The following RSPH14 variants were observed in gnomAD, a reference collection of about 807,000 sequenced individuals.
The protein encoded by RSPH14 is rhabdoid tumor deletion region gene 1.
A neutral mutation model predicts 26.7 loss-of-function variants in RSPH14; 20 were observed. The observed-to-expected ratio is 0.75, with a 90% CI of 0.53 to 1.09. The LOEUF is 1.09. Among genes scored for constraint, RSPH14 ranks in the 50% least tolerant of loss-of-function variants. The probability of loss-of-function intolerance (pLI) is 0.00; values close to 1 mark genes in which losing one functional copy is unlikely to be tolerated. For missense variants in RSPH14, 449 were observed against 457.2 expected, an observed-to-expected ratio of 0.98 and a Z score of 0.16; for synonymous variants, 177 against 189.3, an observed-to-expected ratio of 0.93 and a Z score of 0.53.
intron 5 of RSPH14, 123 bp from the exon 6 acceptor site, chr22:23,062,068 G>T: frequency 8.4e-7 from 1 of 1,189,874 alleles, no homozygotes; most frequent in Non-Finnish European, 1.2e-6. Flanking sequence ...GTAGTCCCAG[G>T]ACTGGTCCCC....
the RSPH14 span, among the ~76,000 whole-genome samples, chr22:23,154,242 C>T: frequency 6.6e-6 from 1 of 152,290 alleles, no homozygotes; most frequent in East Asian, 1.9e-4. Context: ...CTAGCCCCGC[C>T]CCCCTCCTCT....
In RSPH14 at chr22:23,096,428, G is replaced by A; in HGVS notation, c.422-32295C>T. On this transcript the variant is annotated intron_variant, in intron 4 of 6. Transcript: ENST00000216036. ...CGAGGATAACCAGACAGTAAGTGGGGCCGGGGGTTTTCCTCTGCTTGTTCC... is the reference window on the plus strand; with the variant it reads ...CGAGGATAACCAGACAGTAAGTGGGACCGGGGGTTTTCCTCTGCTTGTTCC... The A allele has an allele frequency of 2.5e-6, 4 of 1,591,232 alleles. No homozygotes were observed. The South Asian group carries it at 3.4e-5, about 13-fold the overall frequency.
At chr22:23,131,703 T>C (rs1464543595) in intron 4 of RSPH14, 1 of 1,205,922 alleles carries the variant, frequency 8.3e-7, no homozygotes, top group Non-Finnish European at 1.1e-6. Flanking sequence ...AGGGCATTAA[T>C]TTAGCTCAAC....
At position 23,071,537 on chromosome 22, in the gene RSPH14, G is replaced by T. The variant is rs958441994; in HGVS notation, c.422-7404C>A. On this transcript the variant is annotated intron_variant, in intron 4 of 6. Transcript: ENST00000216036. The surrounding 1 kb of genome is among the most constrained non-coding windows in gnomAD (Gnocchi z 4.1). The stretch of plus-strand genomic sequence containing the variant: ...CTGGGGATTGAGCTCTCTGGAGAAG[G>T]CTCCTTGGCCAAATTCAATTAAGCA... Among the ~76,000 whole-genome samples, 3 of 152,226 alleles carry T rather than the reference G, an allele frequency of 2.0e-5. No individual in the cohort carries two copies. The highest frequency in any genetic ancestry group is 2.9e-5 in the Non-Finnish European group (2 of 68,042).
chr22:23,122,810 A>G (rs1182867925), intron 4 of RSPH14: 2 of 513,808 alleles, frequency 3.9e-6, no homozygotes, highest in Non-Finnish European at 7.0e-6. Context: ...CCCCAAAGCT[A>G]TATGTTGAGA....
the RSPH14 span, chr22:23,156,363 C>G: frequency 1.1e-4 from 28 of 246,320 alleles, no homozygotes; most frequent in African/African-American, 6.1e-4. Context: ...AGGGGGAGGT[C>G]GGAGGAGGCT....
intron 5 of RSPH14, 152 bp downstream of exon 5, chr22:23,063,750 A>T: frequency 1.5e-6 from 1 of 679,752 alleles, no homozygotes; most frequent in Non-Finnish European, 2.5e-6. Context: ...CCTAGGGGAG[A>T]AGGTCATCCT....
At chr22:23,180,613 G>C in the RSPH14 span, 3 of 179,682 alleles carry the variant, frequency 1.7e-5, no homozygotes, top group African/African-American at 2.4e-5. Flanking sequence ...GGGGCTGTGG[G>C]GCGGTGCGGA....
chr22:23,137,500 C>T (rs2070502671), intron 3 of RSPH14, among the ~76,000 whole-genome samples: 1 of 152,042 alleles, frequency 6.6e-6, no homozygotes, highest in Non-Finnish European at 1.5e-5. Flanking sequence ...CAGTTCAGGG[C>T]AGCTACTTAG....
chr22:23,114,808 C>T (rs1480305607), intron 4 of RSPH14, among the ~76,000 whole-genome samples: 1 of 152,238 alleles, frequency 6.6e-6, no homozygotes, highest in Non-Finnish European at 1.5e-5. Context: ...CCAGCATTCC[C>T]TCCTGCCTGT....
At chr22:23,126,353 C>G (rs543976765) in intron 4 of RSPH14, among the ~76,000 whole-genome samples, 47 of 152,300 alleles carry the variant, frequency 3.1e-4, no homozygotes, top group African/African-American at 1.0e-3. Flanking sequence ...CCCCGTCCTC[C>G]CCTGCAGTTC....
At chr22:23,161,073 C>T in the RSPH14 span, 42 of 1,510,036 alleles carry the variant, frequency 2.8e-5, no homozygotes, top group East Asian at 6.9e-4. Flanking sequence ...ATCCTCGTCA[C>T]CTGAGGCCTT....
intron 4 of RSPH14, chr22:23,124,420 G>A (rs1277056035): frequency 6.4e-6 from 3 of 469,894 alleles, no homozygotes; most frequent in Non-Finnish European, 1.3e-5. Flanking sequence ...TGGAGTGAGT[G>A]GCAGTCCTGC....
intron 4 of RSPH14, among the ~76,000 whole-genome samples, chr22:23,065,294 T>A: frequency 6.6e-6 from 1 of 151,924 alleles, no homozygotes; most frequent in Non-Finnish European, 1.5e-5. Flanking sequence ...CGGAGCAGGG[T>A]GCTGAGTGGC....
At chr22:23,095,225 C>T (rs533810761) in intron 4 of RSPH14, 43 of 172,532 alleles carry the variant, frequency 2.5e-4, no homozygotes, top group Middle Eastern at 2.9e-3. Context: ...AGGAGGCTCA[C>T]GCTTTTCTCT....
intron 4 of RSPH14, among the ~76,000 whole-genome samples, chr22:23,090,384 C>G (rs2068937501): frequency 1.3e-5 from 2 of 152,298 alleles, no homozygotes. Context: ...CTTCCCCCAG[C>G]CCTCACCTGT....
chr22:23,081,554 G>T (rs978150460), intron 4 of RSPH14, among the ~76,000 whole-genome samples: 5 of 151,432 alleles, frequency 3.3e-5, no homozygotes, highest in Non-Finnish European at 7.3e-5. Context: ...GGCCAATCAG[G>T]TTCATGCCTG....
At chr22:23,160,850 G>A in the RSPH14 span, 1 of 1,604,212 alleles carries the variant, frequency 6.2e-7, no homozygotes, top group Non-Finnish European at 8.5e-7. Flanking sequence ...AAACACTGAT[G>A]AGGTCCCGGC....
Position 23,061,198 on chromosome 22 carries a change from G to A in RSPH14, c.790+611C>T, listed in dbSNP as rs146308481. Among the ~76,000 whole-genome samples the A allele has an allele frequency of 1.3e-3, 196 of 152,302 alleles. 1 individual carries two copies. The highest frequency in any genetic ancestry group is 4.5e-3 in the African/African-American group (187 of 41,564). ...GAAGCACAGGGCCCCAGGCTGGTGG[G>A]TGTGTAGGGGCCAGAGGGAAAGTCA... On this transcript the variant is annotated intron_variant, in intron 6 of 6. Transcript: ENST00000216036.
Sources: gnomAD v4.1 joint callset for allele counts (sites outside exome capture counted in the v4.1 genomes callset) on GRCh38, gnomAD v4.1.1 for gene constraint, Gnocchi (gnomAD v3.1) non-coding constraint, MANE v1.5 for transcripts, NCBI Gene and HGNC (gene_info 2026-07-23, HGNC 2026-07-21) for gene names.